GRIK2: variants seen among roughly 807,000 people sequenced by gnomAD.
The protein encoded by GRIK2 is glutamate ionotropic receptor kainate type subunit 2, also known as glutamate receptor ionotropic, kainate 2.
In GRIK2, 32 loss-of-function variants were observed where a neutral mutation model predicts 100.3. That is an observed-to-expected ratio of 0.32 (90% CI 0.24 to 0.43). The LOEUF (loss-of-function observed/expected upper bound fraction) is 0.43, where lower values mean the gene tolerates loss of function less well. GRIK2 is among the 20% of genes least tolerant of loss of function. GRIK2 has a pLI of 1.00. For synonymous variants in GRIK2, 417 were observed against 389.4 expected (o/e 1.07, Z -0.83); for missense variants, 843 against 1,114.9 (o/e 0.76, Z 3.47).
chr6:101,561,282 C>A (rs2128295650), intron 2 of GRIK2, among the ~76,000 whole-genome samples: 1 of 151,362 alleles, frequency 6.6e-6, no homozygotes, highest in East Asian at 2.0e-4. Context: ...GGATTCCAGT[C>A]CAAGAAAAAT....
chr6:101,422,714 T>C (rs1246685379), intron 2 of GRIK2, among the ~76,000 whole-genome samples: 1 of 151,816 alleles, frequency 6.6e-6, no homozygotes, highest in Non-Finnish European at 1.5e-5. Flanking sequence ...CTTTTGAATA[T>C]AAATTCAATC....
At chr6:101,826,216 A>G (rs957513042) in intron 10 of GRIK2, among the ~76,000 whole-genome samples, 2 of 152,044 alleles carry the variant, frequency 1.3e-5, no homozygotes, top group African/African-American at 2.4e-5. Context: ...ATGAGATATG[A>G]TTTGTTCATG....
intron 8 of GRIK2, among the ~76,000 whole-genome samples, chr6:101,800,689 G>C (rs1321584058): frequency 1.3e-5 from 2 of 152,006 alleles, no homozygotes; most frequent in African/African-American, 4.8e-5. Flanking sequence ...TCAGGTAGAT[G>C]AATTAATAGT....
intron 13 of GRIK2, among the ~76,000 whole-genome samples, chr6:101,925,297 ATTAT>A (rs1171913704): frequency 2.0e-5 from 3 of 152,102 alleles, no homozygotes; most frequent in Non-Finnish European, 4.4e-5. Flanking sequence ...CTTTTTCGTA[ATTAT>A]TTAAACTTTA....
chr6:101,545,342 T>C (rs1776182302), intron 2 of GRIK2, among the ~76,000 whole-genome samples: 1 of 152,206 alleles, frequency 6.6e-6, no homozygotes, highest in Non-Finnish European at 1.5e-5. Context: ...TCTTAAACTT[T>C]GTCTTCTAAG....
chr6:101,944,991 C>G (rs143794388), intron 14 of GRIK2, among the ~76,000 whole-genome samples: 1 of 152,092 alleles, frequency 6.6e-6, no homozygotes, highest in East Asian at 1.9e-4. Context: ...GATAAACAGA[C>G]ATAACTTTTG....
chr6:101,907,583 A>G (rs912875450), intron 12 of GRIK2, among the ~76,000 whole-genome samples: 16 of 151,790 alleles, frequency 1.1e-4, no homozygotes, highest in African/African-American at 3.6e-4. Flanking sequence ...TTACTTTCAC[A>G]ACTGTAAGTA....
chr6:102,023,438 T>C (rs576304209), intron 14 of GRIK2, among the ~76,000 whole-genome samples: 14 of 151,602 alleles, frequency 9.2e-5, no homozygotes, highest in Admixed American at 4.6e-4. Context: ...CTGTGGCTTG[T>C]AGGGTAACAA....
At chr6:101,758,932 C>T (rs372631887) in intron 7 of GRIK2, among the ~76,000 whole-genome samples, 12 of 152,094 alleles carry the variant, frequency 7.9e-5, no homozygotes, top group African/African-American at 2.9e-4. Context: ...TAAAACTATA[C>T]TACTAAAATC....
At chr6:101,831,123 T>C (rs758027943) in intron 10 of GRIK2, among the ~76,000 whole-genome samples, 5 of 152,076 alleles carry the variant, frequency 3.3e-5, no homozygotes, top group Non-Finnish European at 7.4e-5. Context: ...AAATAAAAAA[T>C]AATTTAAAAA....
At chr6:102,065,674 A>T in intron 16 of GRIK2, 1 of 553,248 alleles carries the variant, frequency 1.8e-6, no homozygotes, top group Non-Finnish European at 3.1e-6. Context: ...TATTGGTTTT[A>T]AATGAAGGTT....
chr6:101,841,642 G>A (rs777157007), intron 10 of GRIK2, among the ~76,000 whole-genome samples: 10 of 152,100 alleles, frequency 6.6e-5, no homozygotes, highest in Non-Finnish European at 1.2e-4. Context: ...GGGATTACAA[G>A]CGTGAGCCAC....
intron 7 of GRIK2, among the ~76,000 whole-genome samples, chr6:101,765,615 G>T (rs572882211): frequency 1.2e-3 from 186 of 152,088 alleles, no homozygotes; most frequent in Non-Finnish European, 2.3e-3. Flanking sequence ...CTGGAGGCAG[G>T]TACCTGCTAT....
rs1452499998 is a variant in GRIK2 at position 101,800,278 on chromosome 6, A to T, written c.1095+487A>T. Among the ~76,000 whole-genome samples, 16 of 151,968 alleles carry T rather than the reference A, an allele frequency of 1.1e-4. No homozygotes were observed. In the East Asian group the frequency reaches 2.7e-3, roughly 26 times the overall value. Reference sequence around the variant, plus strand: ...AAGTGCAAAATTTACTCCATGTTATATAATGCAACCATTCTTATGACCATA... The same window carrying T: ...AAGTGCAAAATTTACTCCATGTTATTTAATGCAACCATTCTTATGACCATA... On this transcript the variant is annotated intron_variant, in intron 8 of 16. Transcript: ENST00000369134.
intron 7 of GRIK2, among the ~76,000 whole-genome samples, chr6:101,695,286 A>T (rs1319262889): frequency 6.6e-6 from 1 of 152,044 alleles, no homozygotes; most frequent in Admixed American, 6.6e-5. Flanking sequence ...CCAAAGGGCA[A>T]GAGAGTGGTC....
At chr6:101,906,096 C>T (rs1788201880) in intron 12 of GRIK2, among the ~76,000 whole-genome samples, 1 of 151,430 alleles carries the variant, frequency 6.6e-6, no homozygotes, top group South Asian at 2.1e-4. Flanking sequence ...TCAAAAATTC[C>T]ACTCATTGAG....
intron 6 of GRIK2, among the ~76,000 whole-genome samples, chr6:101,685,029 A>T (rs1396209720): frequency 6.6e-6 from 1 of 152,066 alleles, no homozygotes; most frequent in East Asian, 1.9e-4. Context: ...CAAGTACCAT[A>T]TTTGGGGGTA....
rs9498606 is a variant in GRIK2, at chr6:101,520,100, A to C, written c.116-101849A>C. The stretch of plus-strand genomic sequence containing the variant: ...TCCAAAATTATTTTTTCACATTTTT[A>C]GTCCATTCTTATTAATAAACTGTAA... On this transcript the variant is annotated intron_variant, in intron 2 of 16. Transcript: ENST00000369134. Among the ~76,000 whole-genome samples the C allele has an allele frequency of 4.7e-3, 721 of 152,226 alleles. 5 individuals are homozygous for C. Among genetic ancestry groups the C allele is most frequent in the African/African-American group, 0.017 (686 of 41,568 alleles).
intron 14 of GRIK2, among the ~76,000 whole-genome samples, chr6:101,972,895 A>T (rs1375487334): frequency 6.6e-6 from 1 of 151,826 alleles, no homozygotes; most frequent in East Asian, 1.9e-4. Flanking sequence ...ATTCTGTTCC[A>T]TTGATCTATG....
Sources: allele counts gnomAD v4.1 joint callset (sites outside exome capture counted in the v4.1 genomes callset), GRCh38; gene constraint gnomAD v4.1.1; transcripts MANE v1.5; gene names NCBI Gene and HGNC (gene_info 2026-07-23, HGNC 2026-07-21).